Variants in MAGI1 observed in about 807,000 individuals in gnomAD.
MAGI1 encodes membrane associated guanylate kinase, WW and PDZ domain containing 1.
In MAGI1, 58 loss-of-function variants were observed where a neutral mutation model predicts 139.9. The ratio of observed to expected loss-of-function variants is 0.41; its 90% confidence interval spans 0.34 to 0.52. The LOEUF (loss-of-function observed/expected upper bound fraction) is 0.52. Ranked by LOEUF, MAGI1 falls within the 20% of genes least tolerant of loss-of-function variation. MAGI1 has a pLI of 0.12. For synonymous variants in MAGI1, 812 were observed against 737.9 expected (o/e 1.10, Z -1.63); for missense variants, 1,874 against 1,901.6 (o/e 0.99, Z 0.27).
At chr3:65,551,838 C>T (rs1249432417) in intron 2 of MAGI1, among the ~76,000 whole-genome samples, 3 of 152,224 alleles carry the variant, frequency 2.0e-5, no homozygotes, top group African/African-American at 7.2e-5. Flanking sequence ...AGTAACATCA[C>T]ATTTACTCCT....
rs1263685957 is a variant in MAGI1, at chr3:65,644,633, C to T, written c.314-22545G>A. ...AAATTATAACCAATGAAATAAAAAGCTCAGTTGATAGGCTCGACAAGAAAA... is the reference window on the plus strand; with the variant it reads ...AAATTATAACCAATGAAATAAAAAGTTCAGTTGATAGGCTCGACAAGAAAA... On this transcript the variant is annotated intron_variant, in intron 1 of 22. Coordinates refer to ENST00000402939, the MANE Select transcript of MAGI1 (RefSeq NM_001033057.2). Among the ~76,000 whole-genome samples, 4 of 151,892 alleles carry T rather than the reference C, an allele frequency of 2.6e-5. No individual in the cohort carries two copies. The East Asian group carries it at 5.8e-4, about 22-fold the overall frequency.
chr3:65,446,853 T>C (rs1948713417), intron 7 of MAGI1, among the ~76,000 whole-genome samples: 1 of 152,168 alleles, frequency 6.6e-6, no homozygotes, highest in African/African-American at 2.4e-5. Context: ...GATCCATCAA[T>C]AGTTATTGAC....
At chr3:65,907,433 T>C (rs1013106323) in intron 1 of MAGI1, among the ~76,000 whole-genome samples, 2 of 152,176 alleles carry the variant, frequency 1.3e-5, no homozygotes, top group South Asian at 4.2e-4. Flanking sequence ...CCTTTGAAAG[T>C]CACCACATGC....
chr3:65,445,480 G>C (rs560499233), intron 7 of MAGI1, among the ~76,000 whole-genome samples: 1 of 152,310 alleles, frequency 6.6e-6, no homozygotes, highest in African/African-American at 2.4e-5. Flanking sequence ...ACATTGAGCA[G>C]TCAAAGGTTC....
chr3:65,705,855 C>G (rs937899323), intron 1 of MAGI1, among the ~76,000 whole-genome samples: 1 of 152,176 alleles, frequency 6.6e-6, no homozygotes, highest in African/African-American at 2.4e-5. Flanking sequence ...AACAGAGAAT[C>G]TAATGGAGTG....
At chr3:65,502,068 T>C (rs1480245873) in intron 2 of MAGI1, among the ~76,000 whole-genome samples, 1 of 152,228 alleles carries the variant, frequency 6.6e-6, no homozygotes, top group Non-Finnish European at 1.5e-5. Flanking sequence ...AGGAGGACAC[T>C]GTTTTGTTTC....
At chr3:65,655,171 G>A (rs532775145) in intron 1 of MAGI1, among the ~76,000 whole-genome samples, 15 of 152,146 alleles carry the variant, frequency 9.9e-5, no homozygotes, top group South Asian at 4.2e-4. Flanking sequence ...TCAACTTCCC[G>A]GCCTTCTAGC....
intron 1 of MAGI1, among the ~76,000 whole-genome samples, chr3:65,968,906 C>T (rs1055865889): frequency 5.9e-5 from 9 of 152,088 alleles, no homozygotes; most frequent in African/African-American, 2.2e-4. Context: ...AAATGCTTAT[C>T]GTATGCTAAA....
At chr3:65,973,328 C>CT (rs1390271837) in intron 1 of MAGI1, among the ~76,000 whole-genome samples, 6 of 152,066 alleles carry the variant, frequency 3.9e-5, no homozygotes, top group African/African-American at 1.4e-4. Context: ...ATTTTCTACT[C>CT]TTTTTTCTTC....
intron 1 of MAGI1, among the ~76,000 whole-genome samples, chr3:65,695,384 T>C (rs1435592521): frequency 6.6e-6 from 1 of 152,170 alleles, no homozygotes; most frequent in Non-Finnish European, 1.5e-5. Flanking sequence ...ATCATAAGGA[T>C]ACATGTGAAC....
chr3:65,989,353 T>C (rs2066043446), intron 1 of MAGI1, among the ~76,000 whole-genome samples: 1 of 152,166 alleles, frequency 6.6e-6, no homozygotes, highest in African/African-American at 2.4e-5. Context: ...TGTACTCCAT[T>C]CCCATAAATT....
At chr3:65,710,547 G>A (rs201601359) in intron 1 of MAGI1, among the ~76,000 whole-genome samples, 2 of 151,958 alleles carry the variant, frequency 1.3e-5, no homozygotes, top group Non-Finnish European at 2.9e-5. Context: ...AAAGTGCTGG[G>A]ATTACAGGCG....
chr3:65,791,102 T>C (rs1352894565), intron 1 of MAGI1, among the ~76,000 whole-genome samples: 1 of 152,074 alleles, frequency 6.6e-6, no homozygotes, highest in African/African-American at 2.4e-5. Flanking sequence ...AAATAAAGAA[T>C]GTGCAAATCA....
At chr3:65,985,541 G>A (rs550063961) in intron 1 of MAGI1, among the ~76,000 whole-genome samples, 87 of 152,290 alleles carry the variant, frequency 5.7e-4, no homozygotes, top group Non-Finnish European at 1.0e-3. Context: ...AGATTACATG[G>A]AATTGAACAT....
At chr3:65,669,410 C>A (rs1405387918) in intron 1 of MAGI1, among the ~76,000 whole-genome samples, 2 of 152,146 alleles carry the variant, frequency 1.3e-5, no homozygotes, top group Non-Finnish European at 2.9e-5. Context: ...TTTTCCCTGG[C>A]ATTTTTCTGT....
At chr3:65,860,661 C>A (rs1453364529) in intron 1 of MAGI1, among the ~76,000 whole-genome samples, 1 of 152,250 alleles carries the variant, frequency 6.6e-6, no homozygotes, top group East Asian at 1.9e-4. Context: ...AAGAGTCTGT[C>A]CTCCCCGTGG....
intron 2 of MAGI1, among the ~76,000 whole-genome samples, chr3:65,578,791 C>T (rs1265001067): frequency 1.3e-5 from 2 of 152,100 alleles, no homozygotes; most frequent in African/African-American, 2.4e-5. Context: ...CGTGGTGGCA[C>T]ATCCCTGTAC....
chr3:65,501,083 G>C (rs1203689190), intron 2 of MAGI1, among the ~76,000 whole-genome samples: 1 of 152,068 alleles, frequency 6.6e-6, no homozygotes. Context: ...ATGACAATCA[G>C]CACTACAATT....
intron 2 of MAGI1, among the ~76,000 whole-genome samples, chr3:65,558,753 G>C (rs2080206258): frequency 6.6e-6 from 1 of 152,086 alleles, no homozygotes; most frequent in African/African-American, 2.4e-5. Flanking sequence ...AATTTCCAGA[G>C]GACGAGCCTG....
Sources: gnomAD v4.1 joint callset for allele counts (sites outside exome capture counted in the v4.1 genomes callset) on GRCh38, gnomAD v4.1.1 for gene constraint, MANE v1.5 for transcripts, NCBI Gene and HGNC (gene_info 2026-07-23, HGNC 2026-07-21) for gene names.